EFR3A: variants seen among roughly 807,000 people sequenced by gnomAD.
The protein encoded by EFR3A is EFR3 homolog A, also known as protein EFR3 homolog A.
A neutral mutation model predicts 104.4 loss-of-function variants in EFR3A; 76 were observed. The ratio of observed to expected loss-of-function variants is 0.73; its 90% confidence interval spans 0.60 to 0.88. The LOEUF is 0.88. Ranked by LOEUF, EFR3A falls within the 40% of genes least tolerant of loss-of-function variation. EFR3A has a pLI of 0.00. For missense variants in EFR3A, 985 were observed against 1,012.5 expected (o/e 0.97, Z 0.37); for synonymous variants, 330 against 330.0 (o/e 1.00, Z 0.00).
Position 131,955,895 on chromosome 8 carries a change from C to T in EFR3A, c.766C>T (p.Pro256Ser). The change falls in exon 7 of 23, where the codon CCA becomes TCA. Residue 256 changes from proline (P) to serine (S), a missense_variant. By Grantham distance (74) the Pro-to-Ser change is moderately conservative. Transcript: ENST00000254624. ...TFGNMNNAVR[P>S]VFAHLDHHKL... ...TGGGAATATGAATAATGCTGTTAGA[C>T]CAGTTTTTGCGTAAGTAGTTGGTGT... The T allele has an allele frequency of 6.2e-7, 1 of 1,612,424 alleles. No homozygotes were observed. The highest frequency in any genetic ancestry group is 8.5e-7 in the Non-Finnish European group (1 of 1,179,052).
intron 4 of EFR3A, among the ~76,000 whole-genome samples, chr8:131,947,577 T>C (rs188012068): frequency 6.7e-6 from 1 of 149,524 alleles, no homozygotes. Context: ...GTTTGGGGGG[T>C]GGTGGACAGG....
intron 22 of EFR3A, 145 bp from the exon 23 acceptor site, chr8:132,010,645 T>G: frequency 2.1e-6 from 2 of 947,146 alleles, no homozygotes; most frequent in Non-Finnish European, 3.1e-6. Context: ...CCATGCAGCC[T>G]TGTAGCTGGC....
chr8:131,935,992 T>C (rs2130528134), intron 1 of EFR3A, among the ~76,000 whole-genome samples: 1 of 152,192 alleles, frequency 6.6e-6, no homozygotes, highest in Middle Eastern at 3.4e-3. Context: ...GTATTCAGAA[T>C]TCTCCTAGTA....
At chr8:131,949,851 T>A in intron 4 of EFR3A, 118 bp from the exon 5 acceptor site, 1 of 911,152 alleles carries the variant, frequency 1.1e-6, no homozygotes, top group Non-Finnish European at 1.6e-6. Flanking sequence ...TTGTATTTGA[T>A]GTTTTGTTTG....
intron 9 of EFR3A, among the ~76,000 whole-genome samples, chr8:131,968,645 CCTT>C (rs1306960688): frequency 2.0e-5 from 3 of 152,114 alleles, no homozygotes; most frequent in Non-Finnish European, 4.4e-5. Context: ...TCCTCCCTTT[CCTT>C]CTTCTAATAA....
intron 8 of EFR3A, among the ~76,000 whole-genome samples, chr8:131,966,916 A>G (rs1819771450): frequency 6.6e-6 from 1 of 152,090 alleles, no homozygotes; most frequent in Non-Finnish European, 1.5e-5. Context: ...TTAATACATG[A>G]TATCATTCTT....
At chr8:131,917,045 A>G (rs1264498515) in intron 1 of EFR3A, among the ~76,000 whole-genome samples, 2 of 152,256 alleles carry the variant, frequency 1.3e-5, no homozygotes, top group Non-Finnish European at 2.9e-5. Context: ...GTGGCTCCAC[A>G]TATATAAGCT....
At chr8:131,999,584 A>G (rs535745451) in intron 19 of EFR3A, among the ~76,000 whole-genome samples, 53 of 152,194 alleles carry the variant, frequency 3.5e-4, no homozygotes, top group Admixed American at 1.5e-3. Flanking sequence ...TTCCCTCTAT[A>G]GAGTTGGAAC....
chr8:131,968,403 G>A lies in EFR3A; in HGVS notation c.964G>A (p.Val322Ile), dbSNP rs200983781. 2 of 1,613,494 alleles carry A rather than the reference G, an allele frequency of 1.2e-6. No individual in the cohort carries two copies. The highest frequency in any genetic ancestry group is 1.3e-5 in the African/African-American group (1 of 74,922). The change falls in exon 9 of 23, where the codon GTT becomes ATT. Residue 322 changes from valine (V) to isoleucine (I), a missense_variant. Physicochemically the swap from Val to Ile is conservative, Grantham distance 29. Coordinates refer to ENST00000254624, the MANE Select transcript of EFR3A (RefSeq NM_015137.6). ...TATTATTCAGGTTCTGTTAGAGGCT[G>A]TTGCCATTGCTGCTAAAGGTTCCAT... ...AGIIQVLLEA[V>I]AIAAKGSIGP...
intron 17 of EFR3A, among the ~76,000 whole-genome samples, chr8:131,987,094 C>T (rs970211148): frequency 2.0e-5 from 3 of 152,062 alleles, no homozygotes; most frequent in African/African-American, 4.8e-5. Context: ...ATTTTGAAAG[C>T]ATCAGCATAA....
chr8:131,907,607 T>G (rs917637134), intron 1 of EFR3A, among the ~76,000 whole-genome samples: 1 of 152,206 alleles, frequency 6.6e-6, no homozygotes, highest in African/African-American at 2.4e-5. Context: ...TTTAACTTAT[T>G]TTTTAATTTA....
chr8:131,965,806 C>T (rs973255161), intron 8 of EFR3A, among the ~76,000 whole-genome samples: 2 of 151,926 alleles, frequency 1.3e-5, no homozygotes, highest in Non-Finnish European at 2.9e-5. Flanking sequence ...GACTTGGAAC[C>T]AACCCAGATG....
intron 1 of EFR3A, among the ~76,000 whole-genome samples, chr8:131,929,645 A>G (rs1817485376): frequency 6.6e-6 from 1 of 152,074 alleles, no homozygotes; most frequent in South Asian, 2.1e-4. Context: ...TGTATTCCCT[A>G]CATTTAGTTT....
chr8:131,919,161 T>G (rs1389751566), intron 1 of EFR3A, among the ~76,000 whole-genome samples: 3 of 152,154 alleles, frequency 2.0e-5, no homozygotes, highest in African/African-American at 7.2e-5. Context: ...ATATTCAGCT[T>G]TTCATTTTGG....
At chr8:131,910,933 A>T (rs759178489) in intron 1 of EFR3A, among the ~76,000 whole-genome samples, 1 of 152,190 alleles carries the variant, frequency 6.6e-6, no homozygotes, top group Admixed American at 6.5e-5. Flanking sequence ...GAAAATCCCA[A>T]TATGGCCCGC....
chr8:131,924,127 A>AT (rs1817185160), intron 1 of EFR3A: 1 of 444,650 alleles, frequency 2.2e-6, no homozygotes, highest in African/African-American at 2.0e-5. Flanking sequence ...TTCTTGTGAG[A>AT]ACTAAGGACC....
At chr8:131,954,794 T>C (rs1044557967) in intron 6 of EFR3A, among the ~76,000 whole-genome samples, 1 of 151,948 alleles carries the variant, frequency 6.6e-6, no homozygotes, top group Non-Finnish European at 1.5e-5. Context: ...AATTCTATAG[T>C]TCTAAATTTA....
At chr8:131,986,095 T>TC in intron 16 of EFR3A, 99 bp from the exon 17 acceptor site, 1 of 517,918 alleles carries the variant, frequency 1.9e-6, no homozygotes, top group Non-Finnish European at 3.4e-6. Context: ...CTTATAAATG[T>TC]TTAAAGTTGT....
intron 1 of EFR3A, among the ~76,000 whole-genome samples, chr8:131,914,306 C>T (rs1470167475): frequency 6.6e-6 from 1 of 152,154 alleles, no homozygotes; most frequent in Non-Finnish European, 1.5e-5. Context: ...TTGTCATGAC[C>T]CCTTTTCCCT....
Sources: gnomAD v4.1 joint callset for allele counts (sites outside exome capture counted in the v4.1 genomes callset) on GRCh38, gnomAD v4.1.1 for gene constraint, MANE v1.5 for transcripts, NCBI Gene and HGNC (gene_info 2026-07-23, HGNC 2026-07-21) for gene names.